ATP8A1: variants seen among roughly 807,000 people sequenced by gnomAD.
ATP8A1 encodes ATPase phospholipid transporting 8A1, also known as phospholipid-transporting ATPase IA.
Under a neutral mutation model 177.7 loss-of-function variants are expected in ATP8A1, and 90 were observed. The observed-to-expected ratio is 0.51, with a 90% CI of 0.43 to 0.60. The LOEUF is 0.60. ATP8A1 is among the 20% of genes least tolerant of loss of function. The probability of loss-of-function intolerance (pLI) is 0.00; values close to 1 mark genes in which losing one functional copy is unlikely to be tolerated. For synonymous variants in ATP8A1, 493 were observed against 485.9 expected (o/e 1.01, Z -0.19); for missense variants, 1,072 against 1,392.8 (o/e 0.77, Z 3.67).
chr4:42,647,602 G>C (rs1318340904), intron 1 of ATP8A1, among the ~76,000 whole-genome samples: 2 of 150,896 alleles, frequency 1.3e-5, no homozygotes, highest in Non-Finnish European at 3.0e-5. Flanking sequence ...TAAATATATA[G>C]TATTAAAATT....
chr4:42,551,340 A>G, intron 17 of ATP8A1, 60 bp from the exon 18 acceptor site: 1 of 1,189,904 alleles, frequency 8.4e-7, no homozygotes. Context: ...TTCTCAGCAC[A>G]AGAGAAGTAC....
At chr4:42,513,143 T>G (rs1209889757) in intron 22 of ATP8A1, among the ~76,000 whole-genome samples, 1 of 152,172 alleles carries the variant, frequency 6.6e-6, no homozygotes, top group African/African-American at 2.4e-5. Context: ...CCATCTTGTC[T>G]GATCACCGTA....
At chr4:42,514,893 C>T (rs1725374487) in intron 22 of ATP8A1, among the ~76,000 whole-genome samples, 2 of 152,142 alleles carry the variant, frequency 1.3e-5, no homozygotes, top group African/African-American at 4.8e-5. Flanking sequence ...TGAAATTACA[C>T]CAGTTATCTC....
At chr4:42,448,843 T>G (rs1400801357) in intron 30 of ATP8A1, among the ~76,000 whole-genome samples, 3 of 140,302 alleles carry the variant, frequency 2.1e-5, no homozygotes, top group East Asian at 2.1e-4. Context: ...TTTTTTTTTT[T>G]TTTTTTTTTT....
intron 25 of ATP8A1, among the ~76,000 whole-genome samples, chr4:42,469,850 C>CCA (rs1188234574): frequency 3.8e-5 from 4 of 105,462 alleles, no homozygotes; most frequent in Admixed American, 2.7e-4. Flanking sequence ...CATACAATTT[C>CCA]CATGAGTCTA....
chr4:42,601,101 T>C (rs1735219175), intron 5 of ATP8A1, among the ~76,000 whole-genome samples: 1 of 132,114 alleles, frequency 7.6e-6, no homozygotes, highest in South Asian at 2.5e-4. Flanking sequence ...AATGGCACAA[T>C]CTTGGCTCAC....
intron 35 of ATP8A1, among the ~76,000 whole-genome samples, chr4:42,421,114 ATAAT>A (rs1057294491): frequency 1.4e-4 from 21 of 152,284 alleles, no homozygotes; most frequent in African/African-American, 2.2e-4. Context: ...GAGAACTGAC[ATAAT>A]TAATTTACTA....
Position 42,464,981 on chromosome 4 carries a change from C to A in ATP8A1, c.2420G>T (p.Ser807Ile). ...LAIGDGANDV[S>I]MIQTAHVGVG... ...ACCAACGTGCGCTGTCTGTATCATG[C>A]TGACATCATTTGCTCCATCACCGAT... The change falls in exon 26 of 37, where the codon AGC (serine) becomes ATC (isoleucine). Residue 807 changes from serine (S) to isoleucine (I), a missense_variant. Coordinates refer to ENST00000381668, the MANE Select transcript of ATP8A1 (RefSeq NM_006095.2). The A allele has an allele frequency of 6.2e-7, 1 of 1,614,234 alleles. No homozygotes were observed. The highest frequency in any genetic ancestry group is 8.5e-7 in the Non-Finnish European group (1 of 1,180,034).
At chr4:42,647,107 T>TGCCACAGGG (rs56109319) in intron 1 of ATP8A1, among the ~76,000 whole-genome samples, 1 of 151,796 alleles carries the variant, frequency 6.6e-6, no homozygotes, top group Admixed American at 6.5e-5. Context: ...ACCTCTAAAC[T>TGCCACAGGG]GCCAAGTCAA....
chr4:42,472,026 C>T, intron 25 of ATP8A1: 1 of 720,612 alleles, frequency 1.4e-6, no homozygotes, highest in Non-Finnish European at 2.6e-6. Context: ...GAAATCTTTC[C>T]AGAAAATCCA....
chr4:42,586,879 T>C (rs1733662907), intron 8 of ATP8A1, among the ~76,000 whole-genome samples: 1 of 152,172 alleles, frequency 6.6e-6, no homozygotes. Context: ...TTTGTTTCTC[T>C]TTTTTTATTC....
At position 42,625,603 on chromosome 4, in the gene ATP8A1, C is replaced by T. The variant is rs370861276; in HGVS notation, c.264+11G>A. The T allele has an allele frequency of 2.2e-4, 347 of 1,558,860 alleles. 3 individuals are homozygous for T. The highest frequency in any genetic ancestry group is 1.8e-3 in the South Asian group (153 of 85,732). On this transcript the variant is annotated intron_variant, in intron 3 of 36. Transcript: ENST00000381668. Reference sequence around the variant, plus strand: ...CTGAACATTTGACAAGGTTTTATGACGTGACTTTACCTGCAGCAGTGCAAT... The same window carrying T: ...CTGAACATTTGACAAGGTTTTATGATGTGACTTTACCTGCAGCAGTGCAAT...
chr4:42,431,107 G>A (rs1025464234), intron 33 of ATP8A1, among the ~76,000 whole-genome samples: 4 of 152,182 alleles, frequency 2.6e-5, no homozygotes, highest in Non-Finnish European at 5.9e-5. Context: ...AACTAGAATA[G>A]CGCTTTGACA....
intron 30 of ATP8A1, among the ~76,000 whole-genome samples, chr4:42,447,371 C>T (rs773139562): frequency 2.3e-4 from 35 of 151,794 alleles, no homozygotes; most frequent in East Asian, 5.8e-4. Flanking sequence ...TTAGTAGAGA[C>T]GGGGTTTCAC....
rs1211689435 is a variant in ATP8A1, at chr4:42,411,169, C to T, written c.*1747G>A. 1 of 151,970 alleles carries T rather than the reference C, an allele frequency of 6.6e-6. No homozygotes were observed. The highest frequency in any genetic ancestry group is 1.5e-5 in the Non-Finnish European group (1 of 68,014). 9.4% of individuals were successfully genotyped at this position (151,970 alleles called of 1,614,324 possible). On this transcript the variant is annotated 3_prime_UTR_variant, in exon 37 of 37. Transcript: ENST00000381668. Reference sequence around the variant, plus strand: ...AAGTAAAGTATGTAAACGTGTGTTCCCTTAAGGTTAGAATTATGTATATGT... The same window carrying T: ...AAGTAAAGTATGTAAACGTGTGTTCTCTTAAGGTTAGAATTATGTATATGT...
At chr4:42,431,883 T>C (rs1215350865) in intron 33 of ATP8A1, among the ~76,000 whole-genome samples, 1 of 152,226 alleles carries the variant, frequency 6.6e-6, no homozygotes, top group Admixed American at 6.5e-5. Context: ...ATCTTCTTCG[T>C]GAAATCATCA....
At chr4:42,635,887 G>A (rs1739287180) in intron 1 of ATP8A1, among the ~76,000 whole-genome samples, 1 of 147,466 alleles carries the variant, frequency 6.8e-6, no homozygotes. Context: ...TTACAGAAAG[G>A]TTGAGGAAGA....
At chr4:42,547,753 C>G (rs887294492) in intron 19 of ATP8A1, among the ~76,000 whole-genome samples, 2 of 152,230 alleles carry the variant, frequency 1.3e-5, no homozygotes, top group Admixed American at 1.3e-4. Context: ...ATAAGTCAGA[C>G]AGACTGCATT....
intron 6 of ATP8A1, among the ~76,000 whole-genome samples, chr4:42,598,553 TATA>T (rs1490068236): frequency 1.1e-4 from 17 of 152,262 alleles, no homozygotes; most frequent in Middle Eastern, 3.4e-3. Context: ...TTGAGGAAAA[TATA>T]ATAATTTCCC....
Sources: allele counts gnomAD v4.1 joint callset (sites outside exome capture counted in the v4.1 genomes callset), GRCh38; gene constraint gnomAD v4.1.1; transcripts MANE v1.5; gene names NCBI Gene and HGNC (gene_info 2026-07-23, HGNC 2026-07-21).